The following EEFSEC variants were observed in gnomAD, a reference collection of about 807,000 sequenced individuals.
EEFSEC encodes the protein eukaryotic elongation factor, selenocysteine-tRNA specific, also known as selenocysteine-specific elongation factor.
In EEFSEC, 43 loss-of-function variants were observed where a neutral mutation model predicts 42.1. That is an observed-to-expected ratio of 1.02 (90% CI 0.80 to 1.32). The LOEUF (loss-of-function observed/expected upper bound fraction) is 1.32. Among genes scored for constraint, EEFSEC ranks in the 40% most tolerant of loss-of-function variants. The probability of loss-of-function intolerance (pLI) is 0.00; values close to 1 mark genes in which losing one functional copy is unlikely to be tolerated. For synonymous variants in EEFSEC, 354 were observed against 339.1 expected (o/e 1.04, Z -0.48); for missense variants, 745 against 803.6 (o/e 0.93, Z 0.88).
rs1463303981 is a variant in EEFSEC at position 128,362,865 on chromosome 3, C to T, written c.1600+4492C>T. 5.3e-5 allele frequency among the ~76,000 whole-genome samples: 8 copies of T among 152,320 alleles called. No homozygotes were observed. The East Asian group carries it at 1.3e-3, about 26-fold the overall frequency. ...GGTACTCATATCTCAGGCACTTGGT[C>T]TTGTGAGTAGCCAGAATTCTCATTC... On this transcript the variant is annotated intron_variant, in intron 6 of 6. Transcript: ENST00000254730.
rs182914020 is a variant in EEFSEC at position 128,161,723 on chromosome 3, A to G, written c.316+7900A>G. ...TGTGTTCTTGGCGCCCATGTGGAGAAGGCTCTTCCCCTTTCATCTGTTTTA... is the reference window on the plus strand; with the variant it reads ...TGTGTTCTTGGCGCCCATGTGGAGAGGGCTCTTCCCCTTTCATCTGTTTTA... On this transcript the variant is annotated intron_variant, in intron 1 of 6. Coordinates refer to ENST00000254730, the MANE Select transcript of EEFSEC (RefSeq NM_021937.5). 2.9e-3 allele frequency among the ~76,000 whole-genome samples: 442 copies of G among 152,298 alleles called. 11 individuals are homozygous for G. The highest frequency in any genetic ancestry group is 0.028 in the Admixed American group (424 of 15,302).
At chr3:128,306,114 G>A (rs1230640011) in intron 4 of EEFSEC, among the ~76,000 whole-genome samples, 2 of 152,126 alleles carry the variant, frequency 1.3e-5, no homozygotes, top group African/African-American at 4.8e-5. Context: ...GCACTGTGAA[G>A]GGAGAATATG....
At chr3:128,234,146 G>A (rs1027680922) in intron 1 of EEFSEC, among the ~76,000 whole-genome samples, 14 of 151,964 alleles carry the variant, frequency 9.2e-5, no homozygotes, top group South Asian at 8.3e-4. Context: ...TCTGCCTCCC[G>A]GGTTCAAGCA....
intron 1 of EEFSEC, among the ~76,000 whole-genome samples, chr3:128,233,645 A>G (rs2999084): frequency 0.84 from 127,649 of 152,204 alleles, 54,009 homozygotes; most frequent in East Asian, 0.99. Context: ...ATCCTACATT[A>G]GATAGGTCCC....
intron 1 of EEFSEC, among the ~76,000 whole-genome samples, chr3:128,163,540 A>G (rs2065212488): frequency 6.6e-6 from 1 of 152,032 alleles, no homozygotes; most frequent in Non-Finnish European, 1.5e-5. Context: ...TATGTAAATT[A>G]CATACCATAA....
chr3:128,156,797 T>C (rs963148129), intron 1 of EEFSEC, among the ~76,000 whole-genome samples: 1 of 152,172 alleles, frequency 6.6e-6, no homozygotes, highest in African/African-American at 2.4e-5. Context: ...TCCCTGTCTG[T>C]CTCCCTCTCC....
At chr3:128,420,019 G>A in the EEFSEC span, among the ~76,000 whole-genome samples, 3 of 152,202 alleles carry the variant, frequency 2.0e-5, no homozygotes, top group Non-Finnish European at 4.4e-5. Context: ...CACAGAGAAA[G>A]GCCAGGAGAG....
intron 1 of EEFSEC, among the ~76,000 whole-genome samples, chr3:128,174,329 G>A (rs1274736191): frequency 1.3e-5 from 2 of 152,222 alleles, no homozygotes; most frequent in African/African-American, 2.4e-5. Flanking sequence ...ACTAGGTGGC[G>A]TTCTCTTGCA....
intron 4 of EEFSEC, among the ~76,000 whole-genome samples, chr3:128,285,122 G>A (rs1192682857): frequency 6.6e-6 from 1 of 152,040 alleles, no homozygotes; most frequent in East Asian, 1.9e-4. Context: ...CTGGGCTTAA[G>A]AGGTACCTAG....
chr3:128,315,114 A>G (rs953584900), intron 4 of EEFSEC, among the ~76,000 whole-genome samples: 3 of 152,222 alleles, frequency 2.0e-5, no homozygotes, highest in East Asian at 1.9e-4. Context: ...AGACTTATCA[A>G]TGCTACCACT....
intron 6 of EEFSEC, among the ~76,000 whole-genome samples, chr3:128,382,370 G>T (rs1207811765): frequency 6.6e-6 from 1 of 152,238 alleles, no homozygotes; most frequent in Non-Finnish European, 1.5e-5. Context: ...AGCAGGCTGT[G>T]TGCGCCCAGC....
At chr3:128,412,655 C>A (rs2068182098), downstream of EEFSEC, among the ~76,000 whole-genome samples, 1 of 152,270 alleles carries the variant, frequency 6.6e-6, no homozygotes. Context: ...CCCCCAGCCC[C>A]TGCTGCACCT....
chr3:128,419,801 C>T, the EEFSEC span, among the ~76,000 whole-genome samples: 35 of 152,224 alleles, frequency 2.3e-4, no homozygotes, highest in African/African-American at 7.7e-4. Context: ...GGTGAGGCCC[C>T]GACACATCTC....
At chr3:128,290,275 G>A (rs1293981068) in intron 4 of EEFSEC, among the ~76,000 whole-genome samples, 12 of 152,032 alleles carry the variant, frequency 7.9e-5, no homozygotes, top group Admixed American at 6.5e-4. Context: ...TGTGAAGAAA[G>A]GATTGAAGGT....
intron 4 of EEFSEC, among the ~76,000 whole-genome samples, chr3:128,280,727 G>A (rs766444080): frequency 1.2e-4 from 18 of 152,188 alleles, no homozygotes; most frequent in Non-Finnish European, 2.6e-4. Flanking sequence ...ACAGCAAGCG[G>A]CAGCCTCTAC....
chr3:128,409,655 G>T (rs899017989), downstream of EEFSEC, among the ~76,000 whole-genome samples: 20 of 152,306 alleles, frequency 1.3e-4, no homozygotes, highest in African/African-American at 3.8e-4. Flanking sequence ...CGTGGCCTCC[G>T]CGGCTGCTGC....
intron 5 of EEFSEC, among the ~76,000 whole-genome samples, chr3:128,352,753 A>G (rs1240670327): frequency 6.6e-6 from 1 of 152,224 alleles, no homozygotes; most frequent in Non-Finnish European, 1.5e-5. Context: ...GACCAACAAC[A>G]ACTGTTTACA....
chr3:128,392,228 G>A (rs960964101), intron 6 of EEFSEC, among the ~76,000 whole-genome samples: 9 of 152,206 alleles, frequency 5.9e-5, no homozygotes, highest in South Asian at 2.1e-4. Context: ...CCAGCCCCCC[G>A]TGAGGGCAGC....
At chr3:128,374,064 T>G (rs529635282) in intron 6 of EEFSEC, among the ~76,000 whole-genome samples, 1 of 152,130 alleles carries the variant, frequency 6.6e-6, no homozygotes, top group Non-Finnish European at 1.5e-5. Context: ...TGCACTCCCC[T>G]CTGCAGCATG....
Sources: gnomAD v4.1 joint callset for allele counts (sites outside exome capture counted in the v4.1 genomes callset) on GRCh38, gnomAD v4.1.1 for gene constraint, MANE v1.5 for transcripts, NCBI Gene and HGNC (gene_info 2026-07-23, HGNC 2026-07-21) for gene names.